The following FAM76A variants were observed in gnomAD, a reference collection of about 807,000 sequenced individuals.
FAM76A encodes the protein family with sequence similarity 76 member A.
In FAM76A, 32 loss-of-function variants were observed where a neutral mutation model predicts 46.2. That is an observed-to-expected ratio of 0.69 (90% CI 0.52 to 0.93). FAM76A has a LOEUF of 0.93. Among genes scored for constraint, FAM76A ranks in the 40% least tolerant of loss-of-function variants. The pLI is 0.00. For missense variants in FAM76A, 274 were observed against 361.5 expected, an observed-to-expected ratio of 0.76 and a Z score of 1.96; for synonymous variants, 137 against 127.0, an observed-to-expected ratio of 1.08 and a Z score of -0.53.
chr1:27,729,553 A>T (rs910654376), intron 2 of FAM76A, among the ~76,000 whole-genome samples: 1 of 152,064 alleles, frequency 6.6e-6, no homozygotes, highest in East Asian at 1.9e-4. Context: ...TAAAAGAATT[A>T]GTGAACACCC....
intron 5 of FAM76A, 76 bp downstream of exon 5, chr1:27,744,887 C>A: frequency 1.5e-6 from 2 of 1,368,940 alleles, no homozygotes; most frequent in Non-Finnish European, 2.0e-6. Flanking sequence ...CATCATGGTA[C>A]ATACTACCAT....
chr1:27,731,786 A>G (rs2087961840), intron 2 of FAM76A, among the ~76,000 whole-genome samples: 1 of 152,026 alleles, frequency 6.6e-6, no homozygotes, highest in Non-Finnish European at 1.5e-5. Flanking sequence ...TGGGGATGTC[A>G]TAATCAGAAA....
intron 7 of FAM76A, among the ~76,000 whole-genome samples, chr1:27,756,625 C>G (rs990431054): frequency 6.6e-6 from 1 of 151,556 alleles, no homozygotes; most frequent in African/African-American, 2.4e-5. Flanking sequence ...ATCAGAATAT[C>G]TTCTATCTTA....
intron 6 of FAM76A, among the ~76,000 whole-genome samples, 154 bp from the exon 7 acceptor site, chr1:27,755,041 G>A (rs1293536855): frequency 2.6e-5 from 4 of 152,166 alleles, no homozygotes; most frequent in Non-Finnish European, 5.9e-5. Context: ...AGCTCAGCAA[G>A]TGCCGTTGAG....
chr1:27,753,186 A>G (rs2088358234), intron 6 of FAM76A, among the ~76,000 whole-genome samples: 1 of 152,168 alleles, frequency 6.6e-6, no homozygotes. Context: ...TCAAAAAGAA[A>G]AAAAGAGAAA....
chr1:27,757,931 C>G (rs1354636317), intron 7 of FAM76A, among the ~76,000 whole-genome samples: 3 of 150,926 alleles, frequency 2.0e-5, no homozygotes, highest in African/African-American at 4.9e-5. Flanking sequence ...GAGCCAAGAT[C>G]GTGCCACTGC....
intron 4 of FAM76A, among the ~76,000 whole-genome samples, chr1:27,736,598 A>T (rs2088049343): frequency 6.6e-6 from 1 of 151,662 alleles, no homozygotes. Flanking sequence ...ATTTTATTTT[A>T]TTTTTTTGAG....
chr1:27,751,550 G>A (rs1191101993), intron 6 of FAM76A, among the ~76,000 whole-genome samples: 1 of 150,502 alleles, frequency 6.6e-6, no homozygotes, highest in East Asian at 1.9e-4. Context: ...TGTTGCCCAG[G>A]CTGGAATGCA....
intron 4 of FAM76A, among the ~76,000 whole-genome samples, chr1:27,744,192 G>A (rs564576102): frequency 1.9e-4 from 29 of 152,246 alleles, no homozygotes; most frequent in Middle Eastern, 3.4e-3. Context: ...GCCATGGCGC[G>A]ATCTCGGCTC....
At position 27,753,818 on chromosome 1, in the gene FAM76A, G is replaced by C. The variant is rs187478543; in HGVS notation, c.600-1377G>C. Among the ~76,000 whole-genome samples, 10 of 152,306 alleles carry C rather than the reference G, an allele frequency of 6.6e-5. No homozygotes were observed. In the East Asian group the frequency reaches 1.4e-3, roughly 21 times the overall value. The stretch of plus-strand genomic sequence containing the variant: ...GAACAGTGAGTCGTTACTATATATA[G>C]GGAGTTGAGAATGAGTATTCCAGTG... On this transcript the variant is annotated intron_variant, in intron 6 of 8. Coordinates refer to ENST00000373954, the MANE Select transcript of FAM76A (RefSeq NM_152660.3).
intron 4 of FAM76A, among the ~76,000 whole-genome samples, chr1:27,738,484 AAAT>A (rs1231270284): frequency 1.3e-5 from 2 of 151,694 alleles, no homozygotes; most frequent in South Asian, 2.1e-4. Flanking sequence ...CTCAAAAAAA[AAAT>A]AATAATAATA....
intron 5 of FAM76A, among the ~76,000 whole-genome samples, chr1:27,746,769 A>G (rs997183099): frequency 2.0e-5 from 3 of 152,098 alleles, no homozygotes; most frequent in African/African-American, 7.2e-5. Flanking sequence ...GGGGGTAGGG[A>G]TTATTTGAAA....
intron 1 of FAM76A, among the ~76,000 whole-genome samples, chr1:27,727,026 C>A (rs557118322): frequency 2.0e-5 from 3 of 152,114 alleles, no homozygotes; most frequent in Non-Finnish European, 2.9e-5. Flanking sequence ...TTTTTATATA[C>A]CAGGTCTGGG....
intron 3 of FAM76A, among the ~76,000 whole-genome samples, chr1:27,733,266 G>A (rs756790746): frequency 1.3e-5 from 2 of 152,068 alleles, no homozygotes; most frequent in Non-Finnish European, 2.9e-5. Context: ...CCTTTGTTTG[G>A]TAACAGTTGA....
chr1:27,743,654 A>G (rs1000337701), intron 4 of FAM76A, among the ~76,000 whole-genome samples: 1 of 152,160 alleles, frequency 6.6e-6, no homozygotes, highest in Non-Finnish European at 1.5e-5. Flanking sequence ...AGTTCCAGCT[A>G]TTCAGTAGGC....
In FAM76A at chr1:27,760,945, T is replaced by TG. The variant is rs2148590433; in HGVS notation, c.*365dup. ...GTAATGTGCAGAATGATTTGTTTTT[T>TG]GTTTTTTTTTTTTTTTTTGGTCCTT... On this transcript the variant is annotated 3_prime_UTR_variant, in exon 9 of 9. Coordinates refer to ENST00000373954, the MANE Select transcript of FAM76A (RefSeq NM_152660.3). 8.2e-6 allele frequency: 1 copy of TG among 121,776 alleles called. No homozygotes were observed. The highest frequency in any genetic ancestry group is 2.4e-4 in the South Asian group (1 of 4,150). The allele number at this position is 121,776 out of a possible 1,614,324, so 7.5% of individuals were successfully genotyped here. A position where few individuals can be genotyped will look rare whatever the true frequency, so the allele number is the denominator to read the frequency against.
chr1:27,757,094 C>T (rs1284372686), intron 7 of FAM76A, among the ~76,000 whole-genome samples: 6 of 151,264 alleles, frequency 4.0e-5, no homozygotes, highest in African/African-American at 1.5e-4. Flanking sequence ...CTCATTTTGC[C>T]TTAATATTAT....
intron 6 of FAM76A, among the ~76,000 whole-genome samples, chr1:27,749,379 T>G (rs547852295): frequency 6.6e-6 from 1 of 152,172 alleles, no homozygotes; most frequent in South Asian, 2.1e-4. Context: ...AAATTATAAT[T>G]TTTTTTAAGA....
intron 2 of FAM76A, among the ~76,000 whole-genome samples, chr1:27,731,366 G>C (rs1321279665): frequency 1.3e-5 from 2 of 151,902 alleles, no homozygotes; most frequent in East Asian, 3.9e-4. Flanking sequence ...ACCACGCCTG[G>C]CTAATTTTTT....
Sources: gnomAD v4.1 joint callset for allele counts (sites outside exome capture counted in the v4.1 genomes callset) on GRCh38, gnomAD v4.1.1 for gene constraint, MANE v1.5 for transcripts, NCBI Gene and HGNC (gene_info 2026-07-23, HGNC 2026-07-21) for gene names.